PNOC: variants seen among roughly 807,000 people sequenced by gnomAD.
PNOC encodes the protein nociceptin.
In PNOC, 10 loss-of-function variants were observed where a neutral mutation model predicts 15.6. That is an observed-to-expected ratio of 0.64 (90% confidence interval 0.40 to 1.09). The LOEUF (loss-of-function observed/expected upper bound fraction) is 1.09. Ranked by LOEUF, PNOC falls within the 50% of genes least tolerant of loss-of-function variation. PNOC has a pLI of 0.01. For synonymous variants in PNOC, 98 were observed against 88.5 expected, an observed-to-expected ratio of 1.11 and a Z score of -0.60; for missense variants, 220 against 223.9, an observed-to-expected ratio of 0.98 and a Z score of 0.11.
chr8:28,332,967 T>A (rs546379654), intron 2 of PNOC, among the ~76,000 whole-genome samples: 55 of 152,240 alleles, frequency 3.6e-4, no homozygotes, highest in African/African-American at 1.2e-3. Flanking sequence ...TCAATAAAAT[T>A]CCCTAAAATT....
chr8:28,328,406 G>T (rs563821802), intron 1 of PNOC, among the ~76,000 whole-genome samples: 1 of 151,908 alleles, frequency 6.6e-6, no homozygotes, highest in South Asian at 2.1e-4. Flanking sequence ...ATATCATCAC[G>T]TTGGAGGTTA....
intron 2 of PNOC, among the ~76,000 whole-genome samples, chr8:28,335,053 A>T (rs1801389225): frequency 6.6e-6 from 1 of 152,034 alleles, no homozygotes; most frequent in African/African-American, 2.4e-5. Context: ...GGCCAGTGTC[A>T]CCTCCTGTGA....
intron 2 of PNOC, 129 bp downstream of exon 2, chr8:28,329,412 C>A: frequency 9.7e-7 from 1 of 1,032,188 alleles, no homozygotes; most frequent in South Asian, 1.5e-5. Flanking sequence ...CTCAGCATTA[C>A]ATGGCCCATA....
intron 1 of PNOC, 137 bp from the exon 2 acceptor site, chr8:28,328,998 G>A: frequency 1.2e-6 from 1 of 811,224 alleles, no homozygotes; most frequent in Non-Finnish European, 2.0e-6. Context: ...CCTGCAAAGT[G>A]AATCACAGGC....
At chr8:28,341,152 A>G (rs1370218480) in intron 3 of PNOC, among the ~76,000 whole-genome samples, 1 of 152,220 alleles carries the variant, frequency 6.6e-6, no homozygotes, top group African/African-American at 2.4e-5. Flanking sequence ...TTGATGATCT[A>G]TTAGTACATA....
At chr8:28,328,908 C>T (rs1258235772) in intron 1 of PNOC, among the ~76,000 whole-genome samples, 1 of 152,140 alleles carries the variant, frequency 6.6e-6, no homozygotes, top group African/African-American at 2.4e-5. Context: ...CCCAGGAACC[C>T]AGACACACTA....
At chr8:28,338,739 C>T (rs1801457146) in intron 2 of PNOC, 2 of 1,097,256 alleles carry the variant, frequency 1.8e-6, no homozygotes, top group South Asian at 4.3e-5. Flanking sequence ...CGGTGTTGGG[C>T]GCATTTATCC....
chr8:28,330,382 T>C (rs1461938571), intron 2 of PNOC, among the ~76,000 whole-genome samples: 12 of 67,712 alleles, frequency 1.8e-4, no homozygotes, highest in African/African-American at 4.5e-4. Context: ...TTTTATTTTA[T>C]TTTATTTTAT....
At chr8:28,328,679 G>A (rs1365152387) in intron 1 of PNOC, among the ~76,000 whole-genome samples, 1 of 152,186 alleles carries the variant, frequency 6.6e-6, no homozygotes, top group East Asian at 1.9e-4. Flanking sequence ...CAATAGGCCT[G>A]TGATAAGGCA....
intron 1 of PNOC, among the ~76,000 whole-genome samples, chr8:28,321,913 G>T (rs1434713659): frequency 6.6e-6 from 1 of 152,300 alleles, no homozygotes. Flanking sequence ...AAGAGGAAAA[G>T]AAACTAAAGC....
intron 1 of PNOC, among the ~76,000 whole-genome samples, chr8:28,322,577 T>A (rs1429224889): frequency 4.6e-5 from 7 of 152,176 alleles, no homozygotes; most frequent in African/African-American, 1.7e-4. Flanking sequence ...TGCTCAACTA[T>A]AAAATGGGGA....
At chr8:28,320,949 A>ATGATTTTAT (rs1801142056) in intron 1 of PNOC, among the ~76,000 whole-genome samples, 1 of 152,154 alleles carries the variant, frequency 6.6e-6, no homozygotes, top group South Asian at 2.1e-4. Flanking sequence ...AGAACACCGA[A>ATGATTTTAT]TGATTTTATT....
intron 2 of PNOC, among the ~76,000 whole-genome samples, chr8:28,330,396 A>ATTTTATTTTATTTTATTTTATTTTT (rs377288105): frequency 8.7e-5 from 7 of 80,446 alleles, no homozygotes; most frequent in African/African-American, 2.3e-4. Flanking sequence ...ATTTTATTTT[A>ATTTTATTTTATTTTATTTTATTTTT]TTTTTTTTTT....
At chr8:28,326,670 G>T (rs1044092646) in intron 1 of PNOC, among the ~76,000 whole-genome samples, 10 of 152,152 alleles carry the variant, frequency 6.6e-5, no homozygotes, top group African/African-American at 1.7e-4. Flanking sequence ...GACCAGCTTG[G>T]CCAACATGGT....
At chr8:28,325,890 G>C (rs925462195) in intron 1 of PNOC, among the ~76,000 whole-genome samples, 1 of 152,086 alleles carries the variant, frequency 6.6e-6, no homozygotes, top group Non-Finnish European at 1.5e-5. Flanking sequence ...GGGGAAGCCA[G>C]ATCATTAGGT....
chr8:28,342,509 C>T (rs1801539763), intron 3 of PNOC, among the ~76,000 whole-genome samples: 2 of 152,320 alleles, frequency 1.3e-5, no homozygotes, highest in African/African-American at 2.4e-5. Flanking sequence ...TACTACCTTC[C>T]TCTTTTCTGC....
At chr8:28,330,395 TA>T (rs1205615475) in intron 2 of PNOC, among the ~76,000 whole-genome samples, 129 of 96,284 alleles carry the variant, frequency 1.3e-3, no homozygotes, top group Admixed American at 4.8e-3. Flanking sequence ...TATTTTATTT[TA>T]TTTTTTTTTT....
intron 1 of PNOC, among the ~76,000 whole-genome samples, chr8:28,326,582 C>T (rs533557880): frequency 2.7e-5 from 4 of 146,226 alleles, no homozygotes; most frequent in East Asian, 2.1e-4. Context: ...AAAAAATTAG[C>T]GGGACCTGGT....
In PNOC at chr8:28,339,040, G is replaced by C. The variant is rs1315857705; in HGVS notation, c.127G>C (p.Val43Leu). 6.3e-7 allele frequency: 1 copy of C among 1,579,832 alleles called. No homozygotes were observed. The highest frequency in any genetic ancestry group is 8.7e-7 in the Non-Finnish European group (1 of 1,154,302). ...HPALDSFDLE[V>L]CILECEEKVF... ...CCTCCTCTCACCCGTATCTTTGCAGGTGTGCATCCTCGAGTGTGAAGAGAA... is the reference window on the plus strand; with the variant it reads ...CCTCCTCTCACCCGTATCTTTGCAGCTGTGCATCCTCGAGTGTGAAGAGAA... Residue 43 changes from valine to leucine, a missense_variant and splice_region_variant, in exon 3 of 4, where the codon GTG (valine) becomes CTG (leucine). Physicochemically the swap from Val to Leu is conservative, Grantham distance 32. Transcript: ENST00000301908.
Sources: gnomAD v4.1 joint callset for allele counts (sites outside exome capture counted in the v4.1 genomes callset) on GRCh38, gnomAD v4.1.1 for gene constraint, MANE v1.5 for transcripts, NCBI Gene and HGNC (gene_info 2026-07-23, HGNC 2026-07-21) for gene names.